Variants in CCDC136 observed in about 807,000 individuals in gnomAD.
CCDC136 encodes coiled-coil domain-containing protein 136.
CCDC136 carries 100 observed loss-of-function variants against 141.2 expected under a neutral mutation model. That is an observed-to-expected ratio of 0.71 (90% confidence interval 0.60 to 0.84). The LOEUF is 0.84. Among genes scored for constraint, CCDC136 ranks in the 40% least tolerant of loss-of-function variants. The pLI is 0.00. For synonymous variants in CCDC136, 474 were observed against 531.9 expected, an observed-to-expected ratio of 0.89 and a Z score of 1.50; for missense variants, 1,206 against 1,379.4, an observed-to-expected ratio of 0.87 and a Z score of 1.99.
At chr7:128,815,480 C>T in intron 15 of CCDC136, 134 bp from the exon 16 acceptor site, 1 of 1,000,546 alleles carries the variant, frequency 1.0e-6, no homozygotes, top group African/African-American at 1.6e-5. Flanking sequence ...GCTCACAGTC[C>T]CAGAGCACCG....
chr7:128,807,995 A>C (rs1254289487), intron 10 of CCDC136, among the ~76,000 whole-genome samples: 1 of 152,148 alleles, frequency 6.6e-6, no homozygotes, highest in Non-Finnish European at 1.5e-5. Context: ...CAAGAGAAGG[A>C]CCTAGGCTCT....
rs1802712959 is a variant in CCDC136 at position 128,794,867 on chromosome 7, A to G, written c.346+99A>G. 2.2e-6 allele frequency: 2 copies of G among 901,002 alleles called. No homozygotes were observed. The highest frequency in any genetic ancestry group is 4.7e-5 in the Admixed American group (2 of 42,422). The allele number at this position is 901,002 out of a possible 1,614,324, so 55.8% of individuals were successfully genotyped here. A position where few individuals can be genotyped will look rare whatever the true frequency, so the allele number is the denominator to read the frequency against. On this transcript the variant is annotated intron_variant, in intron 3 of 17. Coordinates refer to ENST00000297788, the MANE Select transcript of CCDC136 (RefSeq NM_022742.5). This position sits in a 1 kb window ranked among gnomAD's most constrained non-coding sequence, Gnocchi z 4.3. ...TGACTGAAGCACAGCAGATAAAAATAACCAAATTCAGTAATTTCACCTCAT... is the reference window on the plus strand; with the variant it reads ...TGACTGAAGCACAGCAGATAAAAATGACCAAATTCAGTAATTTCACCTCAT...
intron 16 of CCDC136, among the ~76,000 whole-genome samples, chr7:128,816,384 G>A (rs1806636115): frequency 6.6e-6 from 1 of 152,200 alleles, no homozygotes; most frequent in Non-Finnish European, 1.5e-5. Flanking sequence ...TGTTGTTGCT[G>A]TTAGGGGTGT....
intron 3 of CCDC136, among the ~76,000 whole-genome samples, chr7:128,795,596 G>A (rs1446126121): frequency 1.3e-5 from 2 of 152,086 alleles, no homozygotes; most frequent in Non-Finnish European, 2.9e-5. Flanking sequence ...TACAGGAAGG[G>A]TGGTCAGTGA....
At chr7:128,803,646 A>T (rs1804382090) in intron 4 of CCDC136, among the ~76,000 whole-genome samples, 1 of 152,072 alleles carries the variant, frequency 6.6e-6, no homozygotes, top group Non-Finnish European at 1.5e-5. Context: ...GAGTAAGACT[A>T]TCTCAAAACA....
At chr7:128,808,435 A>G in intron 10 of CCDC136, 2 of 963,898 alleles carry the variant, frequency 2.1e-6, no homozygotes, top group Non-Finnish European at 2.5e-6. Context: ...TGGTAGTGAT[A>G]AATAAGGCCT....
intron 12 of CCDC136, among the ~76,000 whole-genome samples, chr7:128,810,960 C>G (rs973841848): frequency 6.6e-6 from 1 of 152,204 alleles, no homozygotes; most frequent in Non-Finnish European, 1.5e-5. Flanking sequence ...TGATGCCTCT[C>G]AAGTACCAGC....
chr7:128,792,388 T>C lies in CCDC136; in HGVS notation c.-24T>C, dbSNP rs368197914. ...CTGTGAGAGGAAGAAGGGCCAACGC[T>C]GGGGGTCCCTGGAACGACGGGGGAT... On this transcript the variant is annotated 5_prime_UTR_variant, in exon 1 of 18. Coordinates refer to ENST00000297788, the MANE Select transcript of CCDC136 (RefSeq NM_022742.5). 1 of 1,597,130 alleles carries C rather than the reference T, an allele frequency of 6.3e-7. No homozygotes were observed. The highest frequency in any genetic ancestry group is 2.3e-5 in the East Asian group (1 of 43,404).
Position 128,817,699 on chromosome 7 carries a change from T to TTA in CCDC136, c.3364-57_3364-56dup. 8.7e-7 allele frequency: 1 copy of TTA among 1,149,550 alleles called. No individual in the cohort carries two copies. The highest frequency in any genetic ancestry group is 1.5e-5 in the African/African-American group (1 of 66,052). 71.2% of individuals were successfully genotyped at this position (1,149,550 alleles called of 1,614,324 possible). On this transcript the variant is annotated intron_variant, in intron 16 of 17. Coordinates refer to ENST00000297788, the MANE Select transcript of CCDC136 (RefSeq NM_022742.5). This position sits in a 1 kb window ranked among gnomAD's most constrained non-coding sequence, Gnocchi z 4.6. The stretch of plus-strand genomic sequence containing the variant: ...TTCATTATCTGTTGGATCCATGCGT[T>TTA]TATGTCTCACATCTCCTGGTCTCTC...
chr7:128,810,497 C>T (rs936931862), intron 12 of CCDC136, 131 bp downstream of exon 12: 20 of 649,964 alleles, frequency 3.1e-5, no homozygotes, highest in African/African-American at 5.5e-5. Flanking sequence ...AAAAGCCCTG[C>T]CTTTCACCAG....
Position 128,815,765 on chromosome 7 carries a change from C to A in CCDC136, c.3197C>A (p.Pro1066Gln), listed in dbSNP as rs1264840503. 5 of 1,572,068 alleles carry A rather than the reference C, an allele frequency of 3.2e-6. No homozygotes were observed. The Admixed American group carries it at 5.7e-5, about 18-fold the overall frequency. The change falls in exon 16 of 18, where the codon CCA (proline) becomes CAA (glutamine). Residue 1066 changes from proline (P) to glutamine (Q), a missense_variant. By Grantham distance (76) the Pro-to-Gln change is moderately conservative. Transcript: ENST00000297788. ...EQCGDELVAEPADPEEAKSTE... is the reference protein window; with the variant it reads ...EQCGDELVAEQADPEEAKSTE... ...TGTGGGGATGAGCTAGTTGCTGAGC[C>A]AGCAGATCCTGAGGAAGCTAAATCC...
At chr7:128,793,902 A>C (rs111897754) in intron 1 of CCDC136, among the ~76,000 whole-genome samples, 3,277 of 152,242 alleles carry the variant, frequency 0.022, 50 homozygotes, top group Non-Finnish European at 0.034. Context: ...ATGAGCCAGC[A>C]TGCCTGGTCA....
chr7:128,792,819 G>A (rs1802386282), intron 1 of CCDC136, among the ~76,000 whole-genome samples: 1 of 152,176 alleles, frequency 6.6e-6, no homozygotes, highest in Admixed American at 6.5e-5. Context: ...GTCTTTCTGG[G>A]GCCACCAACA....
At chr7:128,804,590 G>A in intron 4 of CCDC136, 60 bp from the exon 5 acceptor site, 1 of 972,970 alleles carries the variant, frequency 1.0e-6, no homozygotes. Flanking sequence ...AAAACTGGGG[G>A]CTGGTCATCA....
chr7:128,804,811 GCCTTACCTTGGGCTTTC>G, intron 5 of CCDC136, 50 bp downstream of exon 5: 1 of 1,225,678 alleles, frequency 8.2e-7, no homozygotes, highest in Non-Finnish European at 1.2e-6. Context: ...ACAGGACTCT[GCCTTACCTTGGGCTTTC>G]CCTGAAGGCA....
chr7:128,821,343 T>C lies in CCDC136; in HGVS notation c.*6-456T>C, dbSNP rs1031812013. On this transcript the variant is annotated intron_variant, in intron 17 of 17. Coordinates refer to ENST00000297788, the MANE Select transcript of CCDC136 (RefSeq NM_022742.5). The surrounding 1 kb of genome is among the most constrained non-coding windows in gnomAD (Gnocchi z 5.1). Reference sequence around the variant, plus strand: ...CTTACCTGCACTCCGTGGTGCACTTTCTTCATTTCCCCTCAGCCTTATTCC... The same window carrying C: ...CTTACCTGCACTCCGTGGTGCACTTCCTTCATTTCCCCTCAGCCTTATTCC... 6.6e-6 allele frequency among the ~76,000 whole-genome samples: 1 copy of C among 152,188 alleles called. No individual in the cohort carries two copies. The highest frequency in any genetic ancestry group is 6.5e-5 in the Admixed American group (1 of 15,288).
intron 3 of CCDC136, among the ~76,000 whole-genome samples, chr7:128,799,073 T>C (rs1210295106): frequency 6.7e-6 from 1 of 150,110 alleles, no homozygotes; most frequent in Non-Finnish European, 1.5e-5. Context: ...TGGTGGCTCA[T>C]GCCTGTAATC....
At chr7:128,808,227 G>A (rs918667089) in intron 10 of CCDC136, among the ~76,000 whole-genome samples, 3 of 152,078 alleles carry the variant, frequency 2.0e-5, no homozygotes, top group African/African-American at 7.2e-5. Context: ...AGTTGAGACC[G>A]GGTTTCGCCA....
chr7:128,805,890 A>G lies in CCDC136; in HGVS notation c.1078A>G (p.Ser360Gly). ...NEVLRFQTSH[S>G]VTQNEELKSR... The stretch of plus-strand genomic sequence containing the variant: ...GGTGCTTCGGTTTCAGACCTCCCAC[A>G]GTGTCACCCAGGTAAACACTGCCCG... The change falls in exon 7 of 18, where the codon AGT (serine) becomes GGT (glycine). Residue 360 changes from serine to glycine, a missense_variant. Physicochemically the swap from Ser to Gly is moderately conservative, Grantham distance 56. Transcript: ENST00000297788. This position sits in a 1 kb window ranked among gnomAD's most constrained non-coding sequence, Gnocchi z 4.6. 1.2e-6 allele frequency: 2 copies of G among 1,613,908 alleles called. No individual in the cohort carries two copies. Among genetic ancestry groups the G allele is most frequent in the Non-Finnish European group, 1.7e-6 (2 of 1,179,876 alleles).
Sources: gnomAD v4.1 joint callset for allele counts (sites outside exome capture counted in the v4.1 genomes callset) on GRCh38, gnomAD v4.1.1 for gene constraint, Gnocchi (gnomAD v3.1) non-coding constraint, MANE v1.5 for transcripts, NCBI Gene and HGNC (gene_info 2026-07-23, HGNC 2026-07-21) for gene names.